Variants in KHDRBS2 observed in about 807,000 individuals in gnomAD.
KHDRBS2 encodes KH domain-containing, RNA-binding, signal transduction-associated protein 2.
In KHDRBS2, 26 loss-of-function variants were observed where a neutral mutation model predicts 44.3. That is an observed-to-expected ratio of 0.59 (90% confidence interval 0.43 to 0.81). The LOEUF (loss-of-function observed/expected upper bound fraction) is 0.81, where lower values mean the gene tolerates loss of function less well. Ranked by LOEUF, KHDRBS2 falls within the 40% of genes least tolerant of loss-of-function variation. The probability of loss-of-function intolerance (pLI) is 0.00; values close to 1 mark genes in which losing one functional copy is unlikely to be tolerated. For missense variants in KHDRBS2, 476 were observed against 433.1 expected, an observed-to-expected ratio of 1.10 and a Z score of -0.88; for synonymous variants, 194 against 151.1, an observed-to-expected ratio of 1.28 and a Z score of -2.08.
the KHDRBS2 span, among the ~76,000 whole-genome samples, chr6:61,670,737 C>T: frequency 6.6e-6 from 1 of 151,420 alleles, no homozygotes; most frequent in South Asian, 2.1e-4. Context: ...CTAGTTCATC[C>T]TCTTATACTT....
At chr6:61,892,899 A>C (rs2127330324) in intron 6 of KHDRBS2, among the ~76,000 whole-genome samples, 1 of 152,290 alleles carries the variant, frequency 6.6e-6, no homozygotes, top group Middle Eastern at 3.4e-3. Context: ...AAAATTGACA[A>C]ATGGGACCTA....
At chr6:62,091,928 T>C (rs1336841431) in intron 2 of KHDRBS2, among the ~76,000 whole-genome samples, 1 of 152,174 alleles carries the variant, frequency 6.6e-6, no homozygotes, top group Non-Finnish European at 1.5e-5. Context: ...ACAATTATTA[T>C]CCAGGTTTTG....
intron 2 of KHDRBS2, among the ~76,000 whole-genome samples, chr6:62,130,284 T>A (rs1193858905): frequency 6.6e-6 from 1 of 152,146 alleles, no homozygotes; most frequent in Admixed American, 6.5e-5. Flanking sequence ...GGGGACCAAG[T>A]GATAGTTTGC....
At chr6:61,881,249 T>C (rs1259937125) in intron 6 of KHDRBS2, among the ~76,000 whole-genome samples, 2 of 151,938 alleles carry the variant, frequency 1.3e-5, no homozygotes, top group South Asian at 4.1e-4. Flanking sequence ...GCAATATCCA[T>C]TGGAAAAAGA....
intron 2 of KHDRBS2, among the ~76,000 whole-genome samples, chr6:62,161,999 G>A (rs1436316153): frequency 1.3e-5 from 2 of 151,708 alleles, no homozygotes; most frequent in Non-Finnish European, 2.9e-5. Flanking sequence ...AATTATTTAA[G>A]TACACTAATC....
chr6:61,844,070 G>A (rs1794015234), intron 6 of KHDRBS2, among the ~76,000 whole-genome samples: 1 of 152,132 alleles, frequency 6.6e-6, no homozygotes, highest in South Asian at 2.1e-4. Context: ...AGGGATGAAG[G>A]AGAAGGATGT....
At chr6:62,052,644 T>TG (rs1242754121) in intron 2 of KHDRBS2, among the ~76,000 whole-genome samples, 1 of 50,998 alleles carries the variant, frequency 2.0e-5, no homozygotes, top group Non-Finnish European at 3.9e-5. Flanking sequence ...TGGAGGAGGG[T>TG]GGGGGTGTTT....
At chr6:62,061,074 A>T (rs942339221) in intron 2 of KHDRBS2, among the ~76,000 whole-genome samples, 2 of 151,846 alleles carry the variant, frequency 1.3e-5, no homozygotes, top group African/African-American at 4.8e-5. Flanking sequence ...TGTCTCTGAA[A>T]GTTAGATGGG....
At chr6:61,636,111 C>T in the KHDRBS2 span, among the ~76,000 whole-genome samples, 2 of 152,070 alleles carry the variant, frequency 1.3e-5, no homozygotes, top group Non-Finnish European at 2.9e-5. Context: ...GAATCCCACA[C>T]CTAAAATGAA....
chr6:62,195,870 GA>G (rs1825577644), intron 1 of KHDRBS2, among the ~76,000 whole-genome samples: 2 of 151,796 alleles, frequency 1.3e-5, no homozygotes, highest in Non-Finnish European at 2.9e-5. Flanking sequence ...AATAAATGAA[GA>G]AAAAAAGAAC....
At chr6:61,623,453 C>G in the KHDRBS2 span, among the ~76,000 whole-genome samples, 1 of 152,166 alleles carries the variant, frequency 6.6e-6, no homozygotes, top group East Asian at 1.9e-4. Context: ...TTCTGAGAAA[C>G]AGCTCCTGCT....
At chr6:61,596,263 C>T in the KHDRBS2 span, among the ~76,000 whole-genome samples, 1 of 152,174 alleles carries the variant, frequency 6.6e-6, no homozygotes, top group African/African-American at 2.4e-5. Context: ...ATTACAGAGG[C>T]AACAGTTTCA....
intron 2 of KHDRBS2, among the ~76,000 whole-genome samples, chr6:62,132,676 A>G (rs999725987): frequency 6.6e-6 from 1 of 152,198 alleles, no homozygotes; most frequent in Non-Finnish European, 1.5e-5. Flanking sequence ...ATCAACCATT[A>G]TGTTGCTGTT....
chr6:62,145,260 G>T (rs1305904912), intron 2 of KHDRBS2, among the ~76,000 whole-genome samples: 7 of 148,592 alleles, frequency 4.7e-5, no homozygotes, highest in African/African-American at 1.2e-4. Context: ...TCTCTTTTTT[G>T]TTTTTTTTTG....
the KHDRBS2 span, among the ~76,000 whole-genome samples, chr6:61,662,678 T>C: frequency 3.3e-5 from 5 of 151,954 alleles, no homozygotes; most frequent in African/African-American, 1.2e-4. Flanking sequence ...ATCAGAGAAA[T>C]GCAAATCAAA....
chr6:62,205,114 G>A (rs562179596), intron 1 of KHDRBS2, among the ~76,000 whole-genome samples: 2 of 152,200 alleles, frequency 1.3e-5, no homozygotes, highest in East Asian at 1.9e-4. Context: ...TGTAACATAA[G>A]CCACTGCATG....
chr6:61,591,688 G>A, the KHDRBS2 span, among the ~76,000 whole-genome samples: 1 of 152,148 alleles, frequency 6.6e-6, no homozygotes, highest in Non-Finnish European at 1.5e-5. Context: ...AAGACAAGGA[G>A]TTATTGATTT....
chr6:61,845,306 C>CTT (rs1274921896), intron 6 of KHDRBS2, among the ~76,000 whole-genome samples: 3 of 140,186 alleles, frequency 2.1e-5, no homozygotes. Context: ...GATACAGTTC[C>CTT]TTGTTTTTTT....
At chr6:61,563,276 C>T in the KHDRBS2 span, among the ~76,000 whole-genome samples, 52,490 of 151,812 alleles carry the variant, frequency 0.35, 9,766 homozygotes, top group East Asian at 0.49. Context: ...AATTTCCCTG[C>T]TACTAGTATG....
Sources: allele counts gnomAD v4.1 joint callset (sites outside exome capture counted in the v4.1 genomes callset), GRCh38; gene constraint gnomAD v4.1.1; transcripts MANE v1.5; gene names NCBI Gene and HGNC (gene_info 2026-07-23, HGNC 2026-07-21).